STK32A: variants seen among roughly 807,000 people sequenced by gnomAD.
STK32A encodes the protein serine/threonine-protein kinase 32A.
A neutral mutation model predicts 53.2 loss-of-function variants in STK32A; 41 were observed. The observed-to-expected ratio is 0.77, with a 90% CI of 0.60 to 1.00. The LOEUF is 1.00. Among genes scored for constraint, STK32A ranks in the 50% least tolerant of loss-of-function variants. STK32A has a pLI of 0.00. For missense variants in STK32A, 458 were observed against 485.8 expected, an observed-to-expected ratio of 0.94 and a Z score of 0.54; for synonymous variants, 166 against 162.8, an observed-to-expected ratio of 1.02 and a Z score of -0.15.
intron 4 of STK32A, among the ~76,000 whole-genome samples, chr5:147,305,550 C>A (rs1753365401): frequency 6.6e-6 from 1 of 152,064 alleles, no homozygotes. Flanking sequence ...TTAATAAGAG[C>A]CAACTCCACA....
intron 5 of STK32A, among the ~76,000 whole-genome samples, chr5:147,337,326 C>T (rs188115772): frequency 1.3e-5 from 2 of 152,132 alleles, no homozygotes; most frequent in Admixed American, 6.5e-5. Flanking sequence ...ATCATAGGCT[C>T]GTAACAGGCA....
At chr5:147,286,808 T>C (rs1752366792) in intron 4 of STK32A, among the ~76,000 whole-genome samples, 1 of 152,086 alleles carries the variant, frequency 6.6e-6, no homozygotes, top group African/African-American at 2.4e-5. Flanking sequence ...TTGAGGTCAA[T>C]ATATATATAT....
intron 4 of STK32A, among the ~76,000 whole-genome samples, chr5:147,306,070 G>T (rs868051134): frequency 6.6e-6 from 1 of 151,922 alleles, no homozygotes; most frequent in Admixed American, 6.6e-5. Flanking sequence ...ACTCACATCC[G>T]CAATGTATGA....
chr5:147,245,857 G>A (rs1753751078), intron 2 of STK32A, among the ~76,000 whole-genome samples: 1 of 152,164 alleles, frequency 6.6e-6, no homozygotes, highest in Non-Finnish European at 1.5e-5. Context: ...ATATGTGGCT[G>A]TTTCCAGTTT....
In STK32A at chr5:147,384,006, G is replaced by A. The variant is rs1374134757; in HGVS notation, c.*23G>A. ...TAAAGGCCTCATGTCTTCTTCTTGG[G>A]ACAATCTCATGCCAGAAACTTCTAA... On this transcript the variant is annotated 3_prime_UTR_variant, in exon 13 of 13. Coordinates refer to ENST00000397936, the MANE Select transcript of STK32A (RefSeq NM_001112724.2). 1.9e-6 allele frequency: 3 copies of A among 1,590,370 alleles called. No homozygotes were observed. Among genetic ancestry groups the A allele is most frequent in the African/African-American group, 1.4e-5 (1 of 73,094 alleles).
intron 4 of STK32A, among the ~76,000 whole-genome samples, chr5:147,320,533 A>T (rs1754260816): frequency 6.6e-6 from 1 of 152,226 alleles, no homozygotes; most frequent in Non-Finnish European, 1.5e-5. Context: ...TGGTGAGTAA[A>T]AGCAAGCATG....
chr5:147,374,882 T>C (rs111917316), intron 10 of STK32A, among the ~76,000 whole-genome samples: 37 of 152,148 alleles, frequency 2.4e-4, no homozygotes, highest in African/African-American at 8.2e-4. Flanking sequence ...TTTTTACTCA[T>C]TGAGGCCTAA....
intron 9 of STK32A, among the ~76,000 whole-genome samples, chr5:147,371,304 T>A (rs1468475963): frequency 1.3e-5 from 2 of 152,194 alleles, no homozygotes; most frequent in African/African-American, 4.8e-5. Context: ...ATTTTCCTTA[T>A]TCTTAGAATA....
At chr5:147,252,375 G>T (rs1236980181) in intron 2 of STK32A, among the ~76,000 whole-genome samples, 1 of 152,082 alleles carries the variant, frequency 6.6e-6, no homozygotes, top group Non-Finnish European at 1.5e-5. Flanking sequence ...GTATTAAAAA[G>T]ATCTTCTGTT....
chr5:147,400,652 T>C, the STK32A span: 1 of 1,604,946 alleles, frequency 6.2e-7, no homozygotes, highest in Non-Finnish European at 8.5e-7. Flanking sequence ...CCCATGGATG[T>C]TTTGGCTCTG....
intron 6 of STK32A, among the ~76,000 whole-genome samples, chr5:147,350,368 TTTC>T (rs1182642554): frequency 6.6e-6 from 1 of 151,074 alleles, no homozygotes; most frequent in Non-Finnish European, 1.5e-5. Context: ...TTACTTTTCT[TTTC>T]TTTTTTTTTT....
the STK32A span, among the ~76,000 whole-genome samples, chr5:147,396,756 C>T: frequency 6.6e-6 from 1 of 151,974 alleles, no homozygotes; most frequent in African/African-American, 2.4e-5. Context: ...AAGTCTCCTT[C>T]TCTATTAGGC....
intron 5 of STK32A, among the ~76,000 whole-genome samples, chr5:147,333,190 T>C (rs1216935389): frequency 6.6e-6 from 1 of 152,188 alleles, no homozygotes; most frequent in Non-Finnish European, 1.5e-5. Flanking sequence ...TATAAAACTA[T>C]GGTTTTAGTC....
At chr5:147,293,140 T>C (rs1223217608) in intron 4 of STK32A, among the ~76,000 whole-genome samples, 1 of 152,148 alleles carries the variant, frequency 6.6e-6, no homozygotes, top group Admixed American at 6.5e-5. Flanking sequence ...CTAAGTAAAA[T>C]AATAATTGTC....
At chr5:147,242,581 T>A (rs1300084546) in intron 2 of STK32A, among the ~76,000 whole-genome samples, 1 of 152,182 alleles carries the variant, frequency 6.6e-6, no homozygotes, top group East Asian at 1.9e-4. Flanking sequence ...GCCTGAAAGA[T>A]GAGAAGAAGC....
chr5:147,310,505 C>A (rs778724194), intron 4 of STK32A, among the ~76,000 whole-genome samples: 7 of 152,244 alleles, frequency 4.6e-5, no homozygotes, highest in African/African-American at 1.7e-4. Context: ...TGACTCAGCA[C>A]GCCGGGCACC....
intron 11 of STK32A, among the ~76,000 whole-genome samples, chr5:147,377,463 C>T (rs1757278169): frequency 1.3e-5 from 2 of 152,036 alleles, no homozygotes; most frequent in South Asian, 4.1e-4. Flanking sequence ...GCAATATTTT[C>T]CTGTTTCTTT....
At chr5:147,400,893 TTA>T in the STK32A span, 1 of 1,581,298 alleles carries the variant, frequency 6.3e-7, no homozygotes, top group Non-Finnish European at 8.6e-7. Flanking sequence ...CACTGGGAGC[TTA>T]GAGTCTTGTG....
chr5:147,295,419 G>C (rs1460180196), intron 4 of STK32A, among the ~76,000 whole-genome samples: 5 of 152,154 alleles, frequency 3.3e-5, no homozygotes, highest in Non-Finnish European at 2.9e-5. Context: ...CAAATGTCAG[G>C]CAGTTGCCAC....
Sources: gnomAD v4.1 joint callset for allele counts (sites outside exome capture counted in the v4.1 genomes callset) on GRCh38, gnomAD v4.1.1 for gene constraint, MANE v1.5 for transcripts, NCBI Gene and HGNC (gene_info 2026-07-23, HGNC 2026-07-21) for gene names.